Variants in SPIDR observed in about 807,000 individuals in gnomAD.
The protein encoded by SPIDR is scaffold protein involved in DNA repair.
SPIDR carries 93 observed loss-of-function variants against 104.6 expected under a neutral mutation model. The observed-to-expected ratio is 0.89, with a 90% confidence interval of 0.75 to 1.06. SPIDR has a LOEUF of 1.06. SPIDR is among the 50% of genes least tolerant of loss of function. The pLI is 0.00. For missense variants in SPIDR, 1,154 were observed against 1,111.2 expected, an observed-to-expected ratio of 1.04 and a Z score of -0.55; for synonymous variants, 431 against 416.9, an observed-to-expected ratio of 1.03 and a Z score of -0.41.
chr8:47,532,982 G>A (rs2086272716), intron 8 of SPIDR, among the ~76,000 whole-genome samples: 1 of 152,166 alleles, frequency 6.6e-6, no homozygotes, highest in Non-Finnish European at 1.5e-5. Flanking sequence ...ATACTTGGAA[G>A]TTAAACAGTA....
intron 10 of SPIDR, among the ~76,000 whole-genome samples, chr8:47,624,453 T>G (rs1177822601): frequency 6.6e-6 from 1 of 151,946 alleles, no homozygotes; most frequent in Non-Finnish European, 1.5e-5. Flanking sequence ...CAGGACCTGG[T>G]TTTTTGAAAA....
intron 8 of SPIDR, among the ~76,000 whole-genome samples, chr8:47,551,014 C>G (rs553017492): frequency 6.6e-6 from 1 of 152,310 alleles, no homozygotes; most frequent in Non-Finnish European, 1.5e-5. Flanking sequence ...TTTTCTGCAT[C>G]TATTGAGATA....
At chr8:47,641,308 A>G (rs2068943889) in intron 10 of SPIDR, among the ~76,000 whole-genome samples, 1 of 152,112 alleles carries the variant, frequency 6.6e-6, no homozygotes, top group Non-Finnish European at 1.5e-5. Context: ...TACAGGTGTG[A>G]GCCACTGTGC....
chr8:47,653,176 C>A (rs950499627), intron 10 of SPIDR, among the ~76,000 whole-genome samples: 4 of 152,190 alleles, frequency 2.6e-5, no homozygotes, highest in African/African-American at 9.7e-5. Flanking sequence ...CTCTGAAAGC[C>A]TGTGTGACTC....
intron 7 of SPIDR, among the ~76,000 whole-genome samples, chr8:47,432,460 C>T (rs1350705843): frequency 1.1e-4 from 16 of 152,196 alleles, no homozygotes; most frequent in African/African-American, 3.6e-4. Context: ...CCCCCACATG[C>T]TTTACATCAG....
At chr8:47,427,455 G>A (rs1435461245) in intron 7 of SPIDR, among the ~76,000 whole-genome samples, 1 of 152,104 alleles carries the variant, frequency 6.6e-6, no homozygotes, top group African/African-American at 2.4e-5. Flanking sequence ...ATACTTCTAT[G>A]TCAGGAAGTG....
chr8:47,303,959 G>GT (rs1554580027), intron 5 of SPIDR, among the ~76,000 whole-genome samples: 53 of 152,244 alleles, frequency 3.5e-4, no homozygotes, highest in African/African-American at 1.3e-3. Flanking sequence ...TTACAGGTGT[G>GT]AGCCACTGCA....
chr8:47,563,085 A>G (rs1209613439), intron 8 of SPIDR, among the ~76,000 whole-genome samples: 1 of 146,266 alleles, frequency 6.8e-6, no homozygotes, highest in African/African-American at 2.6e-5. Flanking sequence ...GGTAGTCTTC[A>G]TCAAGGACTA....
intron 8 of SPIDR, among the ~76,000 whole-genome samples, chr8:47,507,551 G>T (rs2081675973): frequency 6.6e-6 from 1 of 152,262 alleles, no homozygotes; most frequent in South Asian, 2.1e-4. Context: ...GGGGCTGAGG[G>T]AAGGATGGCA....
intron 7 of SPIDR, among the ~76,000 whole-genome samples, chr8:47,423,474 C>T (rs974384841): frequency 5.3e-5 from 8 of 151,826 alleles, no homozygotes; most frequent in Non-Finnish European, 7.4e-5. Context: ...TGGTGGTTCA[C>T]GCCTACAATC....
Position 47,520,567 on chromosome 8 carries a change from G to A in SPIDR, c.1098-75244G>A, listed in dbSNP as rs118127694. Among the ~76,000 whole-genome samples, 346 of 152,266 alleles carry A rather than the reference G, an allele frequency of 2.3e-3. 9 individuals carry two copies. The East Asian group carries it at 0.045, about 20-fold the overall frequency. On this transcript the variant is annotated intron_variant, in intron 8 of 19. Coordinates refer to ENST00000297423, the MANE Select transcript of SPIDR (RefSeq NM_001080394.4). ...GTCTAATCTTTGGCAGCACAAGACC[G>A]TGTGCTGGAAGTGGCATGAAAATTC...
intron 8 of SPIDR, among the ~76,000 whole-genome samples, chr8:47,506,752 ACAAAAC>A (rs2081547015): frequency 6.6e-6 from 1 of 152,212 alleles, no homozygotes; most frequent in South Asian, 2.1e-4. Flanking sequence ...GACAGTGAAG[ACAAAAC>A]CAAACCTGAG....
intron 5 of SPIDR, among the ~76,000 whole-genome samples, chr8:47,321,100 C>G (rs192311698): frequency 1.3e-5 from 2 of 152,114 alleles, no homozygotes; most frequent in Non-Finnish European, 2.9e-5. Flanking sequence ...CCAGGGCAAT[C>G]AGGCAGGAGA....
intron 8 of SPIDR, among the ~76,000 whole-genome samples, chr8:47,483,674 T>A (rs930681481): frequency 3.3e-5 from 5 of 152,250 alleles, no homozygotes; most frequent in Admixed American, 2.0e-4. Context: ...GGTTAATGTA[T>A]GCTCTTTTTT....
chr8:47,633,832 G>A (rs2067452171), intron 10 of SPIDR, among the ~76,000 whole-genome samples: 1 of 152,212 alleles, frequency 6.6e-6, no homozygotes, highest in East Asian at 1.9e-4. Flanking sequence ...GGTGGCTCTC[G>A]CCTGTAATCT....
chr8:47,598,756 C>T (rs902462521), intron 9 of SPIDR, among the ~76,000 whole-genome samples, 190 bp from the exon 10 acceptor site: 3 of 152,190 alleles, frequency 2.0e-5, no homozygotes, highest in Non-Finnish European at 4.4e-5. Context: ...CAGTCTTAGC[C>T]ACCTGGCAGG....
chr8:47,377,372 G>T (rs1250107230), intron 5 of SPIDR, among the ~76,000 whole-genome samples: 2 of 152,162 alleles, frequency 1.3e-5, no homozygotes, highest in African/African-American at 4.8e-5. Context: ...GGACTTAGAA[G>T]TAGGTATACT....
rs143255603 is a variant in SPIDR at position 47,341,455 on chromosome 8, T to TAA, written c.525+47434_525+47435dup. Reference sequence around the variant, plus strand: ...TAAACATGCATGGTTTTTGTTTGTTTAAAAAAAAAATTGGGAACTAAAAAG... The same window carrying TAA: ...TAAACATGCATGGTTTTTGTTTGTTTAAAAAAAAAAAATTGGGAACTAAAAAG... On this transcript the variant is annotated intron_variant, in intron 5 of 19. Coordinates refer to ENST00000297423, the MANE Select transcript of SPIDR (RefSeq NM_001080394.4). Among the ~76,000 whole-genome samples the TAA allele has an allele frequency of 2.8e-3, 419 of 150,394 alleles. 1 individual carries two copies. The highest frequency in any genetic ancestry group is 9.9e-3 in the African/African-American group (409 of 41,148).
chr8:47,694,364 T>C (rs944782169), intron 11 of SPIDR, among the ~76,000 whole-genome samples: 1 of 151,972 alleles, frequency 6.6e-6, no homozygotes, highest in Non-Finnish European at 1.5e-5. Context: ...GGAAGATGTG[T>C]AGTGTGTGGC....
Sources: gnomAD v4.1 joint callset for allele counts (sites outside exome capture counted in the v4.1 genomes callset) on GRCh38, gnomAD v4.1.1 for gene constraint, MANE v1.5 for transcripts, NCBI Gene and HGNC (gene_info 2026-07-23, HGNC 2026-07-21) for gene names.